TCF3: variants seen among roughly 807,000 people sequenced by gnomAD.
TCF3 encodes the protein transcription factor E2-alpha.
In TCF3, 54 loss-of-function variants were observed where a neutral mutation model predicts 72.3. That is an observed-to-expected ratio of 0.75 (90% CI 0.60 to 0.94). TCF3 has a LOEUF of 0.94. Ranked by LOEUF, TCF3 falls within the 40% of genes least tolerant of loss-of-function variation. The pLI, the probability that TCF3 is intolerant of heterozygous loss-of-function variation, is 0.00. For missense variants in TCF3, 1,078 were observed against 934.4 expected, an observed-to-expected ratio of 1.15 and a Z score of -2.00; for synonymous variants, 525 against 412.6, an observed-to-expected ratio of 1.27 and a Z score of -3.30.
In TCF3 at chr19:1,626,832, G is replaced by C. The variant is rs965103998; in HGVS notation, c.366+527C>G. On this transcript the variant is annotated intron_variant, in intron 6 of 18. Coordinates refer to ENST00000262965, the MANE Select transcript of TCF3 (RefSeq NM_003200.5). ...AGTGAGCACACAGACGGCCCCACCT[G>C]TGACAAGGCCGAGCCCCACCGAGAG... Among the ~76,000 whole-genome samples, 7 of 151,718 alleles carry C rather than the reference G, an allele frequency of 4.6e-5. No individual in the cohort carries two copies. In the East Asian group the frequency reaches 1.2e-3, roughly 25 times the overall value.
At chr19:1,612,453 CCT>C (rs774970736) in intron 18 of TCF3, 11 of 1,601,510 alleles carry the variant, frequency 6.9e-6, no homozygotes, top group African/African-American at 2.7e-5. Flanking sequence ...AGCACCGAGG[CCT>C]CTGTTAGTGA....
At chr19:1,638,696 A>G (rs1351868441) in intron 3 of TCF3, among the ~76,000 whole-genome samples, 3 of 152,242 alleles carry the variant, frequency 2.0e-5, no homozygotes, top group African/African-American at 4.8e-5. Flanking sequence ...GTTCTTCACA[A>G]CGCAGAATAC....
At chr19:1,626,524 C>G (rs2062899278) in intron 6 of TCF3, among the ~76,000 whole-genome samples, 1 of 152,072 alleles carries the variant, frequency 6.6e-6, no homozygotes, top group Non-Finnish European at 1.5e-5. Flanking sequence ...CAGGACAGGG[C>G]CTTCTCCCGA....
intron 18 of TCF3, chr19:1,612,139 C>T: frequency 6.8e-7 from 1 of 1,461,986 alleles, no homozygotes; most frequent in Non-Finnish European, 9.2e-7. Flanking sequence ...CACAGGAGGA[C>T]CCCAGCATCT....
chr19:1,622,699 C>T (rs1168996245), intron 8 of TCF3, among the ~76,000 whole-genome samples: 1 of 152,176 alleles, frequency 6.6e-6, no homozygotes, highest in Non-Finnish European at 1.5e-5. Flanking sequence ...GCCTACTAAA[C>T]CTTTTTCCTC....
At chr19:1,633,990 C>T (rs1336844787) in intron 3 of TCF3, among the ~76,000 whole-genome samples, 1 of 152,210 alleles carries the variant, frequency 6.6e-6, no homozygotes, top group Non-Finnish European at 1.5e-5. Context: ...AAACGGGAGG[C>T]TCCTGGCACC....
chr19:1,616,251 G>A (rs2061536822), intron 16 of TCF3, among the ~76,000 whole-genome samples: 1 of 152,042 alleles, frequency 6.6e-6, no homozygotes, highest in African/African-American at 2.4e-5. Context: ...GAGGTGGGTG[G>A]ATCACGAGGT....
In TCF3 at chr19:1,619,108, T is replaced by TA; in HGVS notation, c.1450+2dup. 6.3e-7 allele frequency: 1 copy of TA among 1,599,274 alleles called. No homozygotes were observed. Among genetic ancestry groups the TA allele is most frequent in the Non-Finnish European group, 8.5e-7 (1 of 1,179,672 alleles). ...TCGGACAGTCCCAAGCTCAAGGGCT[T>TA]ACCACTGTAGGAGTCGGGAGGCCGA... is the stretch of plus-strand genomic sequence containing the variant. On this transcript the variant is annotated splice_region_variant and intron_variant, in intron 16 of 18. Transcript: ENST00000262965.
At chr19:1,651,086 G>C (rs888989602) in intron 1 of TCF3, 1 of 232,480 alleles carries the variant, frequency 4.3e-6, no homozygotes, top group African/African-American at 2.2e-5. Context: ...CTCAAGACCA[G>C]GGTGCTCCCG....
chr19:1,622,140 G>A lies in TCF3; in HGVS notation c.736C>T (p.Pro246Ser). Residue 246 changes from proline to serine, a missense_variant, in exon 10 of 19, where the codon CCG (proline) becomes TCG (serine). Pro to Ser is a moderately conservative substitution (Grantham distance 74). Coordinates refer to ENST00000262965, the MANE Select transcript of TCF3 (RefSeq NM_003200.5). ...FGPMLGGGSSPLPLPPGSGPV... is the reference protein window; with the variant it reads ...FGPMLGGGSSSLPLPPGSGPV... ...CCGCTACCGGGCGGGAGGGGCAGCG[G>A]GGATGAGCCCCCACCCAGCATGGGC... 6.3e-7 allele frequency: 1 copy of A among 1,588,082 alleles called. No homozygotes were observed. The highest frequency in any genetic ancestry group is 8.5e-7 in the Non-Finnish European group (1 of 1,169,640).
chr19:1,644,529 G>A (rs1258971947), intron 3 of TCF3, among the ~76,000 whole-genome samples: 2 of 152,210 alleles, frequency 1.3e-5, no homozygotes, highest in African/African-American at 2.4e-5. Context: ...AACGTGTGAG[G>A]GGACAAGGCG....
intron 3 of TCF3, among the ~76,000 whole-genome samples, chr19:1,641,604 C>T (rs2065255023): frequency 6.6e-6 from 1 of 152,240 alleles, no homozygotes; most frequent in South Asian, 2.1e-4. Context: ...AGGCACGCAC[C>T]ACCACGCCCA....
chr19:1,641,414 C>G (rs1192623118), intron 3 of TCF3, among the ~76,000 whole-genome samples: 1 of 152,064 alleles, frequency 6.6e-6, no homozygotes, highest in Admixed American at 6.6e-5. Context: ...CTCATGAATA[C>G]AAGATCAGCC....
In TCF3 at chr19:1,625,612, C is replaced by A; in HGVS notation, c.463G>T (p.Gly155Cys). The A allele has an allele frequency of 6.3e-7, 1 of 1,583,654 alleles. No individual in the cohort carries two copies. Among genetic ancestry groups the A allele is most frequent in the East Asian group, 2.4e-5 (1 of 41,048 alleles). ...GTSQYYPSYS[G>C]SSRRRAADGS... is the part of the protein sequence containing the mutation. ...TCTGCCGCTCTCCGCCGGGAGCTGC[C>A]GGAGTAGGAGGGGTAGTACTGGGAG... The change falls in exon 7 of 19, where the codon GGC (glycine) becomes TGC (cysteine). Residue 155 changes from glycine (G) to cysteine (C), a missense_variant. Coordinates refer to ENST00000262965, the MANE Select transcript of TCF3 (RefSeq NM_003200.5).
intron 1 of TCF3, 137 bp downstream of exon 1, chr19:1,652,163 G>A (rs1209800322): frequency 6.8e-6 from 1 of 147,480 alleles, no homozygotes; most frequent in South Asian, 2.1e-4. Flanking sequence ...CCCGGGCCGC[G>A]GGGCGCCCCC....
rs143406385 is a variant in TCF3, at chr19:1,622,370, C to A, written c.595G>T (p.Ala199Ser). The change falls in exon 9 of 19, where the codon GCC becomes TCC. Residue 199 changes from alanine (A) to serine (S), a missense_variant. Physicochemically the swap from Ala to Ser is moderately conservative, Grantham distance 99 (BLOSUM62 1). Transcript: ENST00000262965. The part of the protein sequence containing the change: ...SGEDYGRDAT[A>S]YPSAKTPSST... ...CTGGGGGTCTTGGCGGACGGGTAGGCGGTGGCATCCCTGCCGTAGTCCTCA... is the reference window on the plus strand; with the variant it reads ...CTGGGGGTCTTGGCGGACGGGTAGGAGGTGGCATCCCTGCCGTAGTCCTCA... The A allele has an allele frequency of 7.9e-7, 1 of 1,263,344 alleles. No individual in the cohort carries two copies. 78.3% of individuals were successfully genotyped at this position (1,263,344 alleles called of 1,614,324 possible).
At chr19:1,611,919 G>A (rs539424417) in intron 18 of TCF3, 70 bp from the exon 19 acceptor site, 145 of 384,100 alleles carry the variant, frequency 3.8e-4, no homozygotes, top group Non-Finnish European at 6.3e-4. Context: ...TGGGAGTGGG[G>A]GGTAGGATGT....
chr19:1,648,742 T>C (rs1304401824), intron 2 of TCF3, among the ~76,000 whole-genome samples: 3 of 150,274 alleles, frequency 2.0e-5, no homozygotes, highest in East Asian at 1.9e-4. Context: ...CTGTGCCTCA[T>C]AGGCGGGAGG....
intron 2 of TCF3, among the ~76,000 whole-genome samples, chr19:1,647,552 C>A (rs2066309071): frequency 6.6e-6 from 1 of 152,210 alleles, no homozygotes; most frequent in East Asian, 1.9e-4. Flanking sequence ...GAAGAACGGT[C>A]TTGCGGGTAG....
Sources: allele counts gnomAD v4.1 joint callset (sites outside exome capture counted in the v4.1 genomes callset), GRCh38; gene constraint gnomAD v4.1.1; transcripts MANE v1.5; gene names NCBI Gene and HGNC (gene_info 2026-07-23, HGNC 2026-07-21).